Variants in COL5A2 observed in about 807,000 individuals in gnomAD.
COL5A2 encodes the protein collagen alpha-2(V) chain.
In COL5A2, 23 loss-of-function variants were observed where a neutral mutation model predicts 208.2. That is an observed-to-expected ratio of 0.11 (90% CI 0.08 to 0.16). The LOEUF is 0.16. Among genes scored for constraint, COL5A2 ranks in the 10% least tolerant of loss-of-function variants. The pLI, the probability that COL5A2 is intolerant of heterozygous loss-of-function variation, is 1.00. For synonymous variants in COL5A2, 625 were observed against 628.5 expected, an observed-to-expected ratio of 0.99 and a Z score of 0.08; for missense variants, 1,590 against 1,956.4, an observed-to-expected ratio of 0.81 and a Z score of 3.53.
chr2:189,343,506 T>A, the COL5A2 span, among the ~76,000 whole-genome samples: 9 of 152,166 alleles, frequency 5.9e-5, no homozygotes, highest in Admixed American at 2.0e-4. Context: ...ATAATTTGGA[T>A]GACTCATCAT....
Position 189,198,714 on chromosome 2 carries a change from C to T in COL5A2, c.-42+26434G>A, listed in dbSNP as rs139489566. ...TAAAAGTGTGAAAATCAACTCTGTA[C>T]CTGCCCCTGTAAAACATATATGTTT... is the stretch of plus-strand genomic sequence containing the variant. On this transcript the variant is annotated intron_variant, in intron 1 of 10. Coordinates refer to the COL5A2 transcript ENST00000649966. Among the ~76,000 whole-genome samples the T allele has an allele frequency of 4.2e-4, 47 of 111,570 alleles. No individual in the cohort carries two copies. In the East Asian group the frequency reaches 7.1e-3, roughly 17 times the overall value. The allele number at this position is 111,570 out of a possible 152,430, so 73.2% of individuals were successfully genotyped here.
At chr2:189,403,428 G>A in the COL5A2 span, among the ~76,000 whole-genome samples, 588 of 152,134 alleles carry the variant, frequency 3.9e-3, no homozygotes, top group Non-Finnish European at 6.2e-3. Context: ...TTGCCTGATT[G>A]CCCTGGCCAC....
chr2:189,132,642 T>C (rs1687738225), intron 1 of COL5A2, among the ~76,000 whole-genome samples: 1 of 152,142 alleles, frequency 6.6e-6, no homozygotes, highest in Admixed American at 6.6e-5. Context: ...TAAAACAGGC[T>C]GGGTTCAGTA....
chr2:189,368,889 A>G, the COL5A2 span, among the ~76,000 whole-genome samples: 1 of 152,174 alleles, frequency 6.6e-6, no homozygotes, highest in African/African-American at 2.4e-5. Context: ...GATCATAAAG[A>G]AAAAAGGAAA....
the COL5A2 span, among the ~76,000 whole-genome samples, chr2:189,330,358 A>G: frequency 2.0e-5 from 3 of 152,300 alleles, no homozygotes; most frequent in South Asian, 6.2e-4. Context: ...CCCAACTCAC[A>G]TAGGGTAGGT....
the COL5A2 span, among the ~76,000 whole-genome samples, chr2:189,414,716 C>CCCACT: frequency 6.7e-6 from 1 of 149,542 alleles, no homozygotes; most frequent in South Asian, 2.1e-4. Context: ...ATCGCACCAC[C>CCCACT]CCACTCCAGC....
At chr2:189,263,158 C>T in the COL5A2 span, among the ~76,000 whole-genome samples, 5 of 152,010 alleles carry the variant, frequency 3.3e-5, no homozygotes, top group African/African-American at 4.8e-5. Context: ...CACTTGATGT[C>T]GTTTCAATTG....
At chr2:189,306,936 C>T in the COL5A2 span, among the ~76,000 whole-genome samples, 2 of 152,142 alleles carry the variant, frequency 1.3e-5, no homozygotes, top group South Asian at 4.1e-4. Context: ...AACCCTCCTC[C>T]TTCATTAACC....
the COL5A2 span, among the ~76,000 whole-genome samples, chr2:189,410,203 T>C: frequency 2.0e-5 from 3 of 152,208 alleles, no homozygotes; most frequent in Non-Finnish European, 4.4e-5. Flanking sequence ...CTGTTTTACT[T>C]TGAGAGGAAA....
At chr2:189,066,338 C>A in intron 23 of COL5A2, 52 bp downstream of exon 23, 1 of 1,484,838 alleles carries the variant, frequency 6.7e-7, no homozygotes, top group Non-Finnish European at 9.4e-7. Flanking sequence ...CTCAGACTTA[C>A]ACACATAATT....
At chr2:189,057,817 T>C (rs974792380) in intron 33 of COL5A2, among the ~76,000 whole-genome samples, 4 of 152,218 alleles carry the variant, frequency 2.6e-5, no homozygotes, top group Non-Finnish European at 5.9e-5. Flanking sequence ...GTTTTCAGGC[T>C]AATATAGTGT....
At chr2:189,198,916 T>G (rs1056117708) in intron 1 of COL5A2, among the ~76,000 whole-genome samples, 2 of 152,234 alleles carry the variant, frequency 1.3e-5, no homozygotes, top group African/African-American at 4.8e-5. Flanking sequence ...ATTTTCAGAC[T>G]AATTCTACTT....
At chr2:189,360,305 T>A in the COL5A2 span, among the ~76,000 whole-genome samples, 1 of 152,132 alleles carries the variant, frequency 6.6e-6, no homozygotes, top group Non-Finnish European at 1.5e-5. Context: ...AAAATTTTAA[T>A]TAGGATTTTG....
intron 1 of COL5A2, among the ~76,000 whole-genome samples, chr2:189,154,794 A>G (rs1230043035): frequency 2.0e-5 from 3 of 152,156 alleles, no homozygotes; most frequent in Non-Finnish European, 4.4e-5. Flanking sequence ...GGAGAATTCT[A>G]CTAGACTTTG....
intron 1 of COL5A2, among the ~76,000 whole-genome samples, chr2:189,149,348 A>T (rs1464659206): frequency 6.6e-6 from 1 of 152,228 alleles, no homozygotes; most frequent in Non-Finnish European, 1.5e-5. Flanking sequence ...AAATAAATGA[A>T]GTAATACTTG....
At chr2:189,057,163 G>T in intron 34 of COL5A2, 137 bp from the exon 35 acceptor site, 1 of 1,085,414 alleles carries the variant, frequency 9.2e-7, no homozygotes, top group Non-Finnish European at 1.4e-6. Flanking sequence ...GCCTCACACT[G>T]TGCATTTTCT....
the COL5A2 span, among the ~76,000 whole-genome samples, chr2:189,315,906 C>T: frequency 6.6e-6 from 1 of 152,082 alleles, no homozygotes; most frequent in Non-Finnish European, 1.5e-5. Context: ...TACCATCTTA[C>T]ACCAGTCAGA....
intron 1 of COL5A2, among the ~76,000 whole-genome samples, chr2:189,185,330 T>C (rs1688836981): frequency 1.3e-5 from 2 of 152,066 alleles, no homozygotes; most frequent in Admixed American, 1.3e-4. Flanking sequence ...GACCCTAATA[T>C]GCTATTTTTT....
chr2:189,219,881 C>A (rs978767243), intron 1 of COL5A2, among the ~76,000 whole-genome samples: 11 of 152,040 alleles, frequency 7.2e-5, no homozygotes, highest in Non-Finnish European at 1.6e-4. Flanking sequence ...GTGCCCCCCC[C>A]CCACTCTTAG....
Sources: allele counts gnomAD v4.1 joint callset (sites outside exome capture counted in the v4.1 genomes callset), GRCh38; gene constraint gnomAD v4.1.1; transcripts MANE v1.5; gene names NCBI Gene and HGNC (gene_info 2026-07-23, HGNC 2026-07-21).